PIEZO2: variants seen among roughly 807,000 people sequenced by gnomAD.
PIEZO2 encodes the protein piezo-type mechanosensitive ion channel component 2.
PIEZO2 carries 172 observed loss-of-function variants against 337.3 expected under a neutral mutation model. The observed-to-expected ratio is 0.51, with a 90% CI of 0.45 to 0.58. The LOEUF is 0.58. Ranked by LOEUF, PIEZO2 falls within the 20% of genes least tolerant of loss-of-function variation. The probability of loss-of-function intolerance (pLI) is 0.00; values close to 1 mark genes in which losing one functional copy is unlikely to be tolerated. For missense variants in PIEZO2, 3,028 were observed against 3,391.3 expected (o/e 0.89, Z 2.66); for synonymous variants, 1,251 against 1,228.5 (o/e 1.02, Z -0.38).
chr18:10,714,412 A>T (rs1409659418), intron 39 of PIEZO2, among the ~76,000 whole-genome samples: 2 of 152,228 alleles, frequency 1.3e-5, no homozygotes, highest in African/African-American at 2.4e-5. Context: ...AATGTAGAAG[A>T]CACTGTGGAT....
In PIEZO2 at chr18:10,847,018, C is replaced by T. The variant is rs1289564831; in HGVS notation, c.917+8335G>A. Among the ~76,000 whole-genome samples the T allele has an allele frequency of 6.6e-6, 1 of 152,202 alleles. No homozygotes were observed. The highest frequency in any genetic ancestry group is 2.4e-5 in the African/African-American group (1 of 41,442). On this transcript the variant is annotated intron_variant, in intron 7 of 55. Coordinates refer to ENST00000674853, the MANE Select transcript of PIEZO2 (RefSeq NM_001378183.1). This position sits in a 1 kb window ranked among gnomAD's most constrained non-coding sequence, Gnocchi z 5.7. ...CACTCTGGGCTGGGCACTATCTTCACCCCTATTTTATAAATAAGGAAACAG... is the reference window on the plus strand; with the variant it reads ...CACTCTGGGCTGGGCACTATCTTCATCCCTATTTTATAAATAAGGAAACAG...
intron 5 of PIEZO2, among the ~76,000 whole-genome samples, chr18:10,865,972 C>G (rs1436114795): frequency 1.3e-5 from 2 of 152,026 alleles, no homozygotes; most frequent in African/African-American, 4.8e-5. Flanking sequence ...GCTGCAAAGA[C>G]AGAACAACAT....
intron 3 of PIEZO2, among the ~76,000 whole-genome samples, chr18:10,974,791 A>C (rs1384455206): frequency 6.6e-6 from 1 of 152,134 alleles, no homozygotes; most frequent in Non-Finnish European, 1.5e-5. Context: ...TGGAGAAAAG[A>C]GACTACACAA....
In PIEZO2 at chr18:11,125,956, G is replaced by A. The variant is rs1318733121; in HGVS notation, c.64+22569C>T. ...AGAGGAAGAATGGTGCCTACCATAAGATGGACAGACAAGTAGCACGTGACT... is the reference window on the plus strand; with the variant it reads ...AGAGGAAGAATGGTGCCTACCATAAAATGGACAGACAAGTAGCACGTGACT... On this transcript the variant is annotated intron_variant, in intron 1 of 55. Transcript: ENST00000674853. This position sits in a 1 kb window ranked among gnomAD's most constrained non-coding sequence, Gnocchi z 4.4. Among the ~76,000 whole-genome samples, 1 of 152,236 alleles carries A rather than the reference G, an allele frequency of 6.6e-6. No homozygotes were observed. The highest frequency in any genetic ancestry group is 1.5e-5 in the Non-Finnish European group (1 of 68,032).
intron 3 of PIEZO2, among the ~76,000 whole-genome samples, chr18:10,932,991 G>C (rs1422781565): frequency 6.6e-6 from 1 of 152,082 alleles, no homozygotes; most frequent in Non-Finnish European, 1.5e-5. Flanking sequence ...AAGGGACTTA[G>C]GGAAGGGGCA....
intron 4 of PIEZO2, among the ~76,000 whole-genome samples, chr18:10,885,042 T>C (rs920447032): frequency 6.6e-6 from 1 of 152,112 alleles, no homozygotes; most frequent in Non-Finnish European, 1.5e-5. Context: ...TATAGGCCTG[T>C]GTATCTTAGG....
chr18:11,107,447 G>C (rs987908326), intron 1 of PIEZO2, among the ~76,000 whole-genome samples: 1 of 152,198 alleles, frequency 6.6e-6, no homozygotes, highest in African/African-American at 2.4e-5. Flanking sequence ...ATAATTTCAT[G>C]TACAGAGTTT....
Position 10,899,451 on chromosome 18 carries a change from T to C in PIEZO2, c.329+11735A>G, listed in dbSNP as rs1425710130. 6.6e-6 allele frequency among the ~76,000 whole-genome samples: 1 copy of C among 152,216 alleles called. No individual in the cohort carries two copies. Among genetic ancestry groups the C allele is most frequent in the Non-Finnish European group, 1.5e-5 (1 of 68,038 alleles). ...AAAAGCTGTCATTTTAATTGAGCAG[T>C]AATGTCTTTGTCTCCAGTAAGGTGC... On this transcript the variant is annotated intron_variant, in intron 4 of 55. Transcript: ENST00000674853. The surrounding 1 kb of genome is among the most constrained non-coding windows in gnomAD (Gnocchi z 4.6).
At chr18:10,918,540 G>A (rs1417643182) in intron 3 of PIEZO2, among the ~76,000 whole-genome samples, 1 of 151,968 alleles carries the variant, frequency 6.6e-6, no homozygotes, top group East Asian at 1.9e-4. Context: ...AAAGACAAAA[G>A]TCAGAATTCA....
intron 4 of PIEZO2, among the ~76,000 whole-genome samples, chr18:10,886,343 T>TACACACAATATATACAC (rs2042583993): frequency 4.2e-5 from 1 of 23,712 alleles, no homozygotes; most frequent in South Asian, 4.0e-3. Context: ...TATATATATA[T>TACACACAATATATACAC]ACACACACAC....
chr18:10,867,135 T>G (rs1311931192), intron 5 of PIEZO2, among the ~76,000 whole-genome samples: 1 of 152,236 alleles, frequency 6.6e-6, no homozygotes, highest in African/African-American at 2.4e-5. Flanking sequence ...CCATTCTGAA[T>G]GGTTCCATGT....
chr18:11,104,913 G>A lies in PIEZO2; in HGVS notation c.65-38691C>T, dbSNP rs888106266. ...TCTGGCTAATGAGGCCCCCTCCCCA[G>A]GTACAATGTTTGGTGCTGGGATCCC... On this transcript the variant is annotated intron_variant, in intron 1 of 55. Coordinates refer to ENST00000674853, the MANE Select transcript of PIEZO2 (RefSeq NM_001378183.1). The surrounding 1 kb of genome is among the most constrained non-coding windows in gnomAD (Gnocchi z 4.6). Among the ~76,000 whole-genome samples, 6 of 152,000 alleles carry A rather than the reference G, an allele frequency of 3.9e-5. No homozygotes were observed. The highest frequency in any genetic ancestry group is 2.0e-4 in the Admixed American group (3 of 15,272).
rs2038698801 is a variant in PIEZO2 at position 11,080,468 on chromosome 18, C to T, written c.65-14246G>A. Among the ~76,000 whole-genome samples, 1 of 152,218 alleles carries T rather than the reference C, an allele frequency of 6.6e-6. No homozygotes were observed. The highest frequency in any genetic ancestry group is 1.5e-5 in the Non-Finnish European group (1 of 68,038). ...ACTGCTGTGTCCTCAGAGAACCTAG[C>T]ATAGTGCCTTGCACATAATAAGCCT... On this transcript the variant is annotated intron_variant, in intron 1 of 55. Coordinates refer to ENST00000674853, the MANE Select transcript of PIEZO2 (RefSeq NM_001378183.1). This position sits in a 1 kb window ranked among gnomAD's most constrained non-coding sequence, Gnocchi z 5.4.
rs150894439 is a variant in PIEZO2 at position 10,969,715 on chromosome 18, C to T, written c.286+9820G>A. Among the ~76,000 whole-genome samples, 1,519 of 151,850 alleles carry T rather than the reference C, an allele frequency of 0.01. 18 individuals are homozygous for T. The highest frequency in any genetic ancestry group is 0.068 in the Middle Eastern group (20 of 294). On this transcript the variant is annotated intron_variant, in intron 3 of 55. Transcript: ENST00000674853. The surrounding 1 kb of genome is among the most constrained non-coding windows in gnomAD (Gnocchi z 4.5). ...TGAGAAATGGGAACAACTATCTGAG[C>T]AGGATTTGGGGTATGCACCTGTAGG...
At chr18:11,100,520 G>A (rs2039380333) in intron 1 of PIEZO2, among the ~76,000 whole-genome samples, 1 of 152,144 alleles carries the variant, frequency 6.6e-6, no homozygotes, top group East Asian at 1.9e-4. Flanking sequence ...ACTTCAACTT[G>A]TGCCATGCCA....
chr18:10,842,555 A>T (rs978583382), intron 7 of PIEZO2, among the ~76,000 whole-genome samples: 1 of 152,146 alleles, frequency 6.6e-6, no homozygotes, highest in Non-Finnish European at 1.5e-5. Context: ...CTCCCCTTCA[A>T]CTTCTGCCAT....
At chr18:10,721,980 C>A (rs2036330076) in intron 36 of PIEZO2, among the ~76,000 whole-genome samples, 1 of 151,810 alleles carries the variant, frequency 6.6e-6, no homozygotes, top group African/African-American at 2.4e-5. Flanking sequence ...ATGGTGAAAC[C>A]CGGTCTCTAC....
chr18:10,889,071 T>C (rs1013690196), intron 4 of PIEZO2, among the ~76,000 whole-genome samples: 4 of 152,222 alleles, frequency 2.6e-5, no homozygotes, highest in African/African-American at 7.2e-5. Context: ...AGGCAGTTTA[T>C]TGATTCTTGG....
chr18:10,854,419 T>C lies in PIEZO2; in HGVS notation c.917+934A>G, dbSNP rs1055644740. Among the ~76,000 whole-genome samples the C allele has an allele frequency of 4.6e-5, 7 of 152,218 alleles. No individual in the cohort carries two copies. Among genetic ancestry groups the C allele is most frequent in the African/African-American group, 1.7e-4 (7 of 41,454 alleles). ...ACCACCACGACCTTTATAGTAATTA[T>C]TTCAGGTGTGGACATAATAGAACAT... is the stretch of plus-strand genomic sequence containing the variant. On this transcript the variant is annotated intron_variant, in intron 7 of 55. Coordinates refer to ENST00000674853, the MANE Select transcript of PIEZO2 (RefSeq NM_001378183.1). The surrounding 1 kb of genome is among the most constrained non-coding windows in gnomAD (Gnocchi z 4.6).
Sources: allele counts gnomAD v4.1 joint callset (sites outside exome capture counted in the v4.1 genomes callset), GRCh38; gene constraint gnomAD v4.1.1; non-coding constraint Gnocchi (gnomAD v3.1); transcripts MANE v1.5; gene names NCBI Gene and HGNC (gene_info 2026-07-23, HGNC 2026-07-21).